The following SOBP variants were observed in gnomAD, a reference collection of about 807,000 sequenced individuals.
SOBP encodes sine oculis-binding protein homolog.
A neutral mutation model predicts 53.6 loss-of-function variants in SOBP; 4 were observed. That is an observed-to-expected ratio of 0.07 (90% CI 0.04 to 0.17). The LOEUF is 0.17. Ranked by LOEUF, SOBP falls within the 10% of genes least tolerant of loss-of-function variation. The probability of loss-of-function intolerance (pLI) is 1.00; values close to 1 mark genes in which losing one functional copy is unlikely to be tolerated. For synonymous variants in SOBP, 584 were observed against 522.6 expected (o/e 1.12, Z -1.60); for missense variants, 1,088 against 1,204.7 (o/e 0.90, Z 1.43).
At position 107,635,039 on chromosome 6, in the gene SOBP, C is replaced by T; in HGVS notation, c.2195C>T (p.Ala732Val). The change falls in exon 6 of 7, where the codon GCC (alanine) becomes GTC (valine). Residue 732 changes from alanine to valine, a missense_variant. Around this residue, in one of 6 missense-constraint regions of SOBP, gnomAD observed 665 missense variants for 629.7 expected, o/e 1.06. Transcript: ENST00000317357. The surrounding 1 kb of genome is among the most constrained non-coding windows in gnomAD (Gnocchi z 4.5). ...GTGAACGGCACGCGCGGCGCCGCCG[C>T]CGAGGGCGCTAAGAGCGCGGAGCCG... ...VIVNGTRGAA[A>V]EGAKSAEPPP... The T allele has an allele frequency of 7.9e-7, 1 of 1,270,388 alleles. No homozygotes were observed. The highest frequency in any genetic ancestry group is 9.9e-7 in the Non-Finnish European group (1 of 1,008,856). 78.7% of individuals were successfully genotyped at this position (1,270,388 alleles called of 1,614,324 possible).
At chr6:107,555,573 C>A (rs974531603) in intron 4 of SOBP, among the ~76,000 whole-genome samples, 5 of 152,250 alleles carry the variant, frequency 3.3e-5, no homozygotes, top group African/African-American at 1.2e-4. Context: ...CCCAGCAGGG[C>A]ACCTTCCAAG....
At chr6:107,621,101 G>C in intron 5 of SOBP, 1 of 814,420 alleles carries the variant, frequency 1.2e-6, no homozygotes, top group Non-Finnish European at 1.5e-6. Context: ...CAGATTTCTG[G>C]TGAGTGATAT....
At chr6:107,606,710 C>T (rs985384963) in intron 5 of SOBP, among the ~76,000 whole-genome samples, 4 of 152,340 alleles carry the variant, frequency 2.6e-5, no homozygotes, top group South Asian at 4.1e-4. Context: ...AGGGCGGCAG[C>T]GCCCTCACTG....
At chr6:107,565,992 A>C (rs1784906395) in intron 4 of SOBP, among the ~76,000 whole-genome samples, 1 of 152,216 alleles carries the variant, frequency 6.6e-6, no homozygotes, top group African/African-American at 2.4e-5. Context: ...AAATTTTTAA[A>C]ATTTGTCCCT....
chr6:107,546,016 G>A (rs903850661), intron 4 of SOBP, among the ~76,000 whole-genome samples: 2 of 152,160 alleles, frequency 1.3e-5, no homozygotes, highest in African/African-American at 2.4e-5. Flanking sequence ...AAGCAGACAA[G>A]TATGAAAGTT....
At position 107,633,980 on chromosome 6, in the gene SOBP, C is replaced by T; in HGVS notation, c.1136C>T (p.Pro379Leu). The T allele has an allele frequency of 6.2e-7, 1 of 1,614,120 alleles. No individual in the cohort carries two copies. ...PASIGPPLGV[P>L]PRSPPMVMTN... ...AGCATCGGGCCTCCCCTTGGCGTCC[C>T]GCCTCGGAGCCCTCCCATGGTGATG... The change falls in exon 6 of 7, where the codon CCG (proline) becomes CTG (leucine). Residue 379 changes from proline (P) to leucine (L), a missense_variant. Physicochemically the swap from Pro to Leu is moderately conservative, Grantham distance 98. This residue lies in a region of SOBP where 211 missense variants were observed against 258.9 expected (regional missense o/e 0.82). Coordinates refer to ENST00000317357, the MANE Select transcript of SOBP (RefSeq NM_018013.4).
intron 5 of SOBP, among the ~76,000 whole-genome samples, chr6:107,609,970 C>T (rs1449476213): frequency 1.3e-5 from 2 of 152,168 alleles, no homozygotes; most frequent in Non-Finnish European, 2.9e-5. Flanking sequence ...TACACATATC[C>T]AGTGTCCTTA....
intron 5 of SOBP, among the ~76,000 whole-genome samples, chr6:107,605,286 C>T (rs1186783846): frequency 6.6e-6 from 1 of 152,240 alleles, no homozygotes; most frequent in Non-Finnish European, 1.5e-5. Context: ...AAAGACCAGG[C>T]AACCCCATCT....
intron 3 of SOBP, among the ~76,000 whole-genome samples, chr6:107,523,236 A>G (rs1235977549): frequency 6.6e-6 from 1 of 152,210 alleles, no homozygotes; most frequent in African/African-American, 2.4e-5. Context: ...CTTTTCCCAT[A>G]GCAGGACTAT....
intron 4 of SOBP, among the ~76,000 whole-genome samples, chr6:107,575,319 T>C (rs1022039936): frequency 6.6e-6 from 1 of 152,200 alleles, no homozygotes; most frequent in African/African-American, 2.4e-5. Flanking sequence ...ATTGTCAAAG[T>C]GGCTTCTATA....
At chr6:107,595,261 T>TA (rs1179658774) in intron 5 of SOBP, among the ~76,000 whole-genome samples, 4 of 151,650 alleles carry the variant, frequency 2.6e-5, no homozygotes, top group African/African-American at 7.3e-5. Context: ...CATTAAAAGA[T>TA]CAGCTGTAGA....
chr6:107,656,646 G>A (rs1267086193), intron 6 of SOBP, among the ~76,000 whole-genome samples: 3 of 152,184 alleles, frequency 2.0e-5, no homozygotes, highest in Non-Finnish European at 4.4e-5. Flanking sequence ...TTAACACCAG[G>A]ATTTAGATAG....
In SOBP at chr6:107,634,177, GGCCCCACTTCCA is replaced by G; in HGVS notation, c.1340_1351del (p.Thr447_Pro450del). 6.2e-7 allele frequency: 1 copy of G among 1,609,720 alleles called. No individual in the cohort carries two copies. Among genetic ancestry groups the G allele is most frequent in the South Asian group, 1.1e-5 (1 of 91,024 alleles). On this transcript the variant is annotated inframe_deletion, in exon 6 of 7. Transcript: ENST00000317357. The surrounding 1 kb of genome is among the most constrained non-coding windows in gnomAD (Gnocchi z 4.5). ...CCCGCCCGGTGGCCCCAGAAACCTG[GGCCCCACTTCCA>G]GCCCCATGCACCGGCCCATGCTATC...
At chr6:107,544,787 AT>A (rs1172670100) in intron 4 of SOBP, among the ~76,000 whole-genome samples, 2 of 146,144 alleles carry the variant, frequency 1.4e-5, no homozygotes, top group African/African-American at 5.3e-5. Flanking sequence ...TGATAACCCC[AT>A]TTATCCATTT....
At chr6:107,605,001 T>C (rs1175401674) in intron 5 of SOBP, among the ~76,000 whole-genome samples, 2 of 152,174 alleles carry the variant, frequency 1.3e-5, no homozygotes, top group Non-Finnish European at 2.9e-5. Flanking sequence ...CTGGCCTCAC[T>C]TCCCTTCAGG....
rs968056860 is a variant in SOBP, at chr6:107,660,846, C to A, written c.*2643C>A. Among the ~76,000 whole-genome samples the A allele has an allele frequency of 6.6e-6, 1 of 152,196 alleles. No homozygotes were observed. Among genetic ancestry groups the A allele is most frequent in the Non-Finnish European group, 1.5e-5 (1 of 68,038 alleles). On this transcript the variant is annotated 3_prime_UTR_variant, in exon 7 of 7. Transcript: ENST00000317357. ...TGAATGTTCATTAAAATCTGAGGCA[C>A]CACGAGCAGCTCCCTTGAAGTGATC...
chr6:107,565,119 C>G (rs1013410618), intron 4 of SOBP, among the ~76,000 whole-genome samples: 1 of 152,212 alleles, frequency 6.6e-6, no homozygotes, highest in African/African-American at 2.4e-5. Flanking sequence ...TATAGTATTT[C>G]AACTCATGCA....
At chr6:107,589,689 C>T (rs1257731522) in intron 5 of SOBP, among the ~76,000 whole-genome samples, 3 of 152,232 alleles carry the variant, frequency 2.0e-5, no homozygotes, top group African/African-American at 7.2e-5. Flanking sequence ...TAGTTGGTGA[C>T]TGTGCAGCAG....
At chr6:107,569,760 A>C (rs1350968784) in intron 4 of SOBP, among the ~76,000 whole-genome samples, 1 of 152,228 alleles carries the variant, frequency 6.6e-6, no homozygotes, top group East Asian at 1.9e-4. Context: ...TTTTCACTCG[A>C]GGTGCCCCTG....
Sources: gnomAD v4.1 joint callset for allele counts (sites outside exome capture counted in the v4.1 genomes callset) on GRCh38, gnomAD v4.1.1 for gene constraint, gnomAD v4.1.1 regional missense constraint, Gnocchi (gnomAD v3.1) non-coding constraint, MANE v1.5 for transcripts, NCBI Gene and HGNC (gene_info 2026-07-23, HGNC 2026-07-21) for gene names.